Variants in VWDE observed in about 807,000 individuals in gnomAD.
VWDE encodes von Willebrand factor D and EGF domains, also known as von Willebrand factor D and EGF domain-containing protein.
A neutral mutation model predicts 178.4 loss-of-function variants in VWDE; 207 were observed. The observed-to-expected ratio is 1.16, with a 90% confidence interval of 1.04 to 1.30. The LOEUF is 1.30. VWDE is among the 50% of genes most tolerant of loss of function. The pLI is 0.00. For missense variants in VWDE, 2,287 were observed against 1,901.3 expected (o/e 1.20, Z -3.77); for synonymous variants, 738 against 651.4 (o/e 1.13, Z -2.02).
Position 12,369,750 on chromosome 7 carries a change from T to G in VWDE, c.2556A>C (p.Glu852Asp), listed in dbSNP as rs1477270346. 1 of 1,551,504 alleles carries G rather than the reference T, an allele frequency of 6.4e-7. No homozygotes were observed. Among genetic ancestry groups the G allele is most frequent in the Non-Finnish European group, 8.7e-7 (1 of 1,146,928 alleles). The change falls in exon 12 of 29, where the codon GAA (glutamate) becomes GAC (aspartate). Residue 852 changes from glutamate (E) to aspartate (D), a missense_variant. By Grantham distance (45) the Glu-to-Asp change is conservative. Transcript: ENST00000275358. ...VLLKDDLSWA[E>D]AGVALLENEC... is the part of the protein sequence containing the mutation. Reference sequence around the variant, plus strand: ...CATTTTCTAAAAGGGCCACACCTGCTTCTGCCCAACTAAGATCATCTTTTA... The same window carrying G: ...CATTTTCTAAAAGGGCCACACCTGCGTCTGCCCAACTAAGATCATCTTTTA...
chr7:12,373,767 G>A (rs1344335270), intron 9 of VWDE, among the ~76,000 whole-genome samples: 2 of 152,036 alleles, frequency 1.3e-5, no homozygotes, highest in Non-Finnish European at 2.9e-5. Flanking sequence ...CTTAGAACTT[G>A]GCTTTTCACC....
At chr7:12,348,313 T>C (rs1381697462) in intron 19 of VWDE, among the ~76,000 whole-genome samples, 2 of 149,016 alleles carry the variant, frequency 1.3e-5, no homozygotes, top group Admixed American at 1.3e-4. Flanking sequence ...AGAAAATTTT[T>C]GCAACCTATT....
Position 12,396,111 on chromosome 7 carries a change from AT to A in VWDE, c.59-2334del, listed in dbSNP as rs1295292823. 1.9e-4 allele frequency among the ~76,000 whole-genome samples: 29 copies of A among 152,184 alleles called. 1 individual carries two copies. Among genetic ancestry groups the A allele is most frequent in the Admixed American group, 1.9e-3 (29 of 15,280 alleles). On this transcript the variant is annotated intron_variant, in intron 1 of 28. Coordinates refer to ENST00000275358, the MANE Select transcript of VWDE (RefSeq NM_001135924.3). ...CTTGAATTTCATATACTTTGGAAGA[AT>A]GTGTCAAGTTAGAAATAATAGATCC...
chr7:12,362,874 G>A (rs1782663424), intron 13 of VWDE, among the ~76,000 whole-genome samples: 1 of 152,030 alleles, frequency 6.6e-6, no homozygotes, highest in East Asian at 1.9e-4. Flanking sequence ...GAGTAGTCAT[G>A]ATATCTACAC....
intron 10 of VWDE, among the ~76,000 whole-genome samples, chr7:12,371,643 T>A (rs748752035): frequency 9.2e-5 from 14 of 152,168 alleles, no homozygotes; most frequent in Non-Finnish European, 1.8e-4. Flanking sequence ...ATTAAATTAT[T>A]TTAAAAACAA....
chr7:12,383,604 G>T lies in VWDE; in HGVS notation c.476-3C>A. ...GTGTAATCGTGCATCAGAAATAGCT[G>T]CCAAGGGTTAAGGTTTGTATAATTA... On this transcript the variant is annotated splice_polypyrimidine_tract_variant and splice_region_variant and intron_variant, in intron 3 of 28. Coordinates refer to ENST00000275358, the MANE Select transcript of VWDE (RefSeq NM_001135924.3). 6.5e-7 allele frequency: 1 copy of T among 1,549,944 alleles called. No individual in the cohort carries two copies. The highest frequency in any genetic ancestry group is 8.7e-7 in the Non-Finnish European group (1 of 1,145,548).
chr7:12,342,235 C>G, intron 22 of VWDE, 81 bp from the exon 23 acceptor site: 1 of 995,008 alleles, frequency 1.0e-6, no homozygotes, highest in Non-Finnish European at 1.5e-6. Flanking sequence ...TAGCTCATAA[C>G]TGCTAATCAC....
At chr7:12,333,765 C>A in intron 27 of VWDE, 197 bp from the exon 28 acceptor site, 1 of 388,886 alleles carries the variant, frequency 2.6e-6, no homozygotes, top group Non-Finnish European at 4.6e-6. Context: ...AAACAAAGCA[C>A]CCAAAATTCA....
chr7:12,336,330 A>C, intron 26 of VWDE, 94 bp from the exon 27 acceptor site: 1 of 1,049,356 alleles, frequency 9.5e-7, no homozygotes, highest in South Asian at 1.6e-5. Context: ...GAAAAAAAGA[A>C]ATAGTTACAA....
At chr7:12,372,048 G>A (rs997665928) in intron 10 of VWDE, among the ~76,000 whole-genome samples, 3 of 151,912 alleles carry the variant, frequency 2.0e-5, no homozygotes, top group Admixed American at 6.6e-5. Context: ...CTATCTCTAC[G>A]CTTCCTGATA....
chr7:12,403,584 A>G (rs1785014163), intron 1 of VWDE, 75 bp downstream of exon 1: 1 of 1,410,026 alleles, frequency 7.1e-7, no homozygotes, highest in Non-Finnish European at 9.4e-7. Flanking sequence ...AGTCGTCCAA[A>G]AAGTCTAGCC....
chr7:12,376,383 C>A (rs537417881), intron 7 of VWDE, among the ~76,000 whole-genome samples: 1 of 151,996 alleles, frequency 6.6e-6, no homozygotes, highest in African/African-American at 2.4e-5. Context: ...GAATGAAATC[C>A]AGAATTTTTT....
At chr7:12,382,544 T>C (rs1317937562) in intron 4 of VWDE, among the ~76,000 whole-genome samples, 3 of 151,886 alleles carry the variant, frequency 2.0e-5, no homozygotes, top group Non-Finnish European at 4.4e-5. Context: ...TATAAAACTC[T>C]TTTTAAAATA....
In VWDE at chr7:12,340,410, G is replaced by A. The variant is rs73292392; in HGVS notation, c.4278C>T (p.Cys1426=). 3.7e-3 allele frequency: 5,672 copies of A among 1,549,782 alleles called. 164 individuals are homozygous for A. The African/African-American group carries it at 0.065, about 18-fold the overall frequency. ...AACCACCATTGAGGCAGACAGGGTC[G>A]CACAAAGCTAATAAACAGCAGGAGG... ...WYGPTCSTAL[C]DPVCLNGGSC... The change falls in exon 24 of 29, where the codon TGC becomes TGT. Residue 1426 remains cysteine, a synonymous_variant. Transcript: ENST00000275358.
rs1434646230 is a variant in VWDE at position 12,372,787 on chromosome 7, T to A, written c.1587+190A>T. Among the ~76,000 whole-genome samples the A allele has an allele frequency of 2.4e-4, 36 of 152,136 alleles. 1 individual carries two copies. On this transcript the variant is annotated intron_variant, in intron 10 of 28. Transcript: ENST00000275358. Reference sequence around the variant, plus strand: ...TAAATAAGGCAGTTTAGATTTTACATGGTTTTAATGATGTTGTGTCTATTT... The same window carrying A: ...TAAATAAGGCAGTTTAGATTTTACAAGGTTTTAATGATGTTGTGTCTATTT...
chr7:12,342,158 A>T lies in VWDE; in HGVS notation c.4175-4T>A, dbSNP rs568167802. ...TCACAGTGCCTGTTACAAACCACTG[A>T]GATCATAGAATAAAGAGAAAAGAAA... is the stretch of plus-strand genomic sequence containing the variant. On this transcript the variant is annotated splice_region_variant and splice_polypyrimidine_tract_variant and intron_variant, in intron 22 of 28. Transcript: ENST00000275358. 6.4e-5 allele frequency: 99 copies of T among 1,550,400 alleles called. No individual in the cohort carries two copies. In the South Asian group the frequency reaches 1.2e-3, roughly 18 times the overall value.
At chr7:12,356,497 AAT>A (rs1782261987) in intron 17 of VWDE, among the ~76,000 whole-genome samples, 167 bp from the exon 18 acceptor site, 1 of 152,182 alleles carries the variant, frequency 6.6e-6, no homozygotes, top group South Asian at 2.1e-4. Flanking sequence ...TTGTATTAAA[AAT>A]AGTTTAATAA....
At position 12,369,992 on chromosome 7, in the gene VWDE, G is replaced by C. The variant is rs1424193850; in HGVS notation, c.2314C>G (p.Leu772Val). Residue 772 changes from leucine to valine, a missense_variant, in exon 12 of 29, where the codon CTG (leucine) becomes GTG (valine). Leu to Val is a conservative substitution (Grantham distance 32, BLOSUM62 1). Transcript: ENST00000275358. ...GGGAAAAAATAAGTAAGTTCTTCCA[G>C]ATCCGTTTGGCTGAGACTCGGGAAA... ...FAFPSLSQTD[L>V]EELTYFFPED... is the part of the protein sequence containing the mutation. 1.1e-5 allele frequency: 17 copies of C among 1,551,380 alleles called. No individual in the cohort carries two copies. Among genetic ancestry groups the C allele is most frequent in the Non-Finnish European group, 1.2e-5 (14 of 1,146,900 alleles).
intron 19 of VWDE, among the ~76,000 whole-genome samples, chr7:12,344,933 C>G (rs1034404237): frequency 2.0e-5 from 3 of 151,588 alleles, no homozygotes; most frequent in East Asian, 3.9e-4. Context: ...GAATACAGAC[C>G]ACAATGTTAA....
Sources: gnomAD v4.1 joint callset for allele counts (sites outside exome capture counted in the v4.1 genomes callset) on GRCh38, gnomAD v4.1.1 for gene constraint, MANE v1.5 for transcripts, NCBI Gene and HGNC (gene_info 2026-07-23, HGNC 2026-07-21) for gene names.